RASGRF2: variants seen among roughly 807,000 people sequenced by gnomAD.
The protein encoded by RASGRF2 is Ras protein specific guanine nucleotide releasing factor 2.
RASGRF2 carries 76 observed loss-of-function variants against 151.0 expected under a neutral mutation model. The ratio of observed to expected loss-of-function variants is 0.50; its 90% CI spans 0.42 to 0.61. The LOEUF (loss-of-function observed/expected upper bound fraction) is 0.61. Ranked by LOEUF, RASGRF2 falls within the 20% of genes least tolerant of loss-of-function variation. The pLI is 0.00. For missense variants in RASGRF2, 1,148 were observed against 1,564.6 expected (o/e 0.73, Z 4.49); for synonymous variants, 504 against 566.5 (o/e 0.89, Z 1.57).
rs1317324815 is a variant in RASGRF2, at chr5:81,128,904, C to T, written c.2686+1741C>T. ...CTGTAATCCTAGCACTTTGGGAGGC[C>T]AAGGTGGGCAGATCACCCAAGGTCA... On this transcript the variant is annotated intron_variant, in intron 17 of 26. Transcript: ENST00000265080. Among the ~76,000 whole-genome samples, 5 of 151,302 alleles carry T rather than the reference C, an allele frequency of 3.3e-5. No homozygotes were observed. The East Asian group carries it at 9.7e-4, about 29-fold the overall frequency.
In RASGRF2 at chr5:81,081,691, C is replaced by T. The variant is rs145581218; in HGVS notation, c.1161+902C>T. ...GTCCTCCTGCGCAGGCATCTCTGAC[C>T]CTGGCTAATCATTTTGCAGCCTCAG... On this transcript the variant is annotated intron_variant, in intron 7 of 26. Transcript: ENST00000265080. Among the ~76,000 whole-genome samples the T allele has an allele frequency of 1.5e-3, 231 of 152,256 alleles. 1 individual carries two copies. The highest frequency in any genetic ancestry group is 5.4e-3 in the Admixed American group (82 of 15,306).
intron 1 of RASGRF2, among the ~76,000 whole-genome samples, chr5:80,972,742 A>C (rs1747979961): frequency 6.6e-6 from 1 of 152,178 alleles, no homozygotes; most frequent in African/African-American, 2.4e-5. Context: ...GGCCTCCCAA[A>C]GTGCTGGGAT....
At chr5:81,046,572 T>C (rs954075126) in intron 2 of RASGRF2, among the ~76,000 whole-genome samples, 8 of 152,186 alleles carry the variant, frequency 5.3e-5, no homozygotes, top group African/African-American at 1.9e-4. Flanking sequence ...AGACCCAGTC[T>C]TGTTTTTGTC....
In RASGRF2 at chr5:81,227,526, C is replaced by T. The variant is rs1391310373; in HGVS notation, c.*1756C>T. ...TCTTTAGTTTCAAATAAGAGGTTGA[C>T]GCATCTTGATGCATGATGAGAAGCA... On this transcript the variant is annotated 3_prime_UTR_variant, in exon 27 of 27. Transcript: ENST00000265080. The T allele has an allele frequency of 6.6e-6, 1 of 152,084 alleles. No individual in the cohort carries two copies. The allele number at this position is 152,084 out of a possible 1,614,324, so 9.4% of individuals were successfully genotyped here. A position where few individuals can be genotyped will look rare whatever the true frequency, so the allele number is the denominator to read the frequency against.
At chr5:81,110,042 C>G (rs1254235417) in intron 13 of RASGRF2, among the ~76,000 whole-genome samples, 1 of 152,176 alleles carries the variant, frequency 6.6e-6, no homozygotes, top group Non-Finnish European at 1.5e-5. Flanking sequence ...TTTGCAATCT[C>G]TGTTCCTTCT....
chr5:81,059,735 T>C (rs55781224), intron 2 of RASGRF2, among the ~76,000 whole-genome samples: 27,165 of 151,314 alleles, frequency 0.18, 2,592 homozygotes, highest in Admixed American at 0.27. Flanking sequence ...ATCCCAGCTA[T>C]TCAGGAGGCT....
intron 2 of RASGRF2, among the ~76,000 whole-genome samples, chr5:81,050,511 A>G (rs1352436119): frequency 6.6e-6 from 1 of 152,120 alleles, no homozygotes; most frequent in Non-Finnish European, 1.5e-5. Flanking sequence ...AGCCAGTCCA[A>G]GCGAGGCCCC....
At chr5:80,999,980 T>A (rs1168884005) in intron 1 of RASGRF2, among the ~76,000 whole-genome samples, 2 of 151,860 alleles carry the variant, frequency 1.3e-5, no homozygotes, top group Non-Finnish European at 2.9e-5. Context: ...GATGGGGAGG[T>A]CTCTTCTGTG....
chr5:81,011,818 C>A (rs1356188713), intron 1 of RASGRF2, among the ~76,000 whole-genome samples: 1 of 151,606 alleles, frequency 6.6e-6, no homozygotes, highest in Non-Finnish European at 1.5e-5. Flanking sequence ...ACATTTTCCT[C>A]ATTTAGCATG....
At chr5:80,964,149 G>A (rs1747654327) in intron 1 of RASGRF2, among the ~76,000 whole-genome samples, 1 of 152,024 alleles carries the variant, frequency 6.6e-6, no homozygotes, top group African/African-American at 2.4e-5. Context: ...ATGAGTCTTT[G>A]GAGGATTGCA....
At chr5:80,961,466 C>G (rs959535012) in intron 1 of RASGRF2, among the ~76,000 whole-genome samples, 3 of 151,224 alleles carry the variant, frequency 2.0e-5, no homozygotes, top group Non-Finnish European at 4.4e-5. Context: ...ATTTCTTTGC[C>G]TGCAGATGTT....
At chr5:81,207,398 T>C (rs1755532925) in intron 21 of RASGRF2, 49 bp downstream of exon 21, 1 of 1,500,332 alleles carries the variant, frequency 6.7e-7, no homozygotes, top group South Asian at 1.1e-5. Flanking sequence ...CTAGCTGTCT[T>C]AGAAGTTGAC....
chr5:81,082,861 G>T (rs1034692288), intron 7 of RASGRF2, among the ~76,000 whole-genome samples: 1 of 152,196 alleles, frequency 6.6e-6, no homozygotes, highest in Admixed American at 6.5e-5. Context: ...AACTGAAAGA[G>T]CACAGAATTG....
chr5:81,077,238 G>A (rs145973740), intron 5 of RASGRF2, among the ~76,000 whole-genome samples: 73 of 152,198 alleles, frequency 4.8e-4, no homozygotes, highest in Non-Finnish European at 9.4e-4. Context: ...GACAGGGAAG[G>A]GATGCAGCTA....
rs141027180 is a variant in RASGRF2, at chr5:81,142,475, T to C, written c.2686+15312T>C. On this transcript the variant is annotated intron_variant, in intron 17 of 26. Transcript: ENST00000265080. ...CTGCCTGTGTAACCTGTTTTAGCAA[T>C]GACATTCAGAAGTCTAAGGTCAAAA... Among the ~76,000 whole-genome samples, 613 of 152,340 alleles carry C rather than the reference T, an allele frequency of 4.0e-3. 9 individuals carry two copies. Among genetic ancestry groups the C allele is most frequent in the Middle Eastern group, 0.034 (10 of 294 alleles).
chr5:81,184,617 A>G (rs1431287078), intron 18 of RASGRF2, among the ~76,000 whole-genome samples: 1 of 152,206 alleles, frequency 6.6e-6, no homozygotes, highest in Non-Finnish European at 1.5e-5. Context: ...CTGAATGACA[A>G]GTGGCCGAGA....
In RASGRF2 at chr5:81,129,008, G is replaced by A. The variant is rs149449575; in HGVS notation, c.2686+1845G>A. ...ACAAAAATCAGCTGGGCGTGGTGGC[G>A]CACACCTGTAATCCCAACTACTTGG... On this transcript the variant is annotated intron_variant, in intron 17 of 26. Coordinates refer to ENST00000265080, the MANE Select transcript of RASGRF2 (RefSeq NM_006909.3). 7.7e-3 allele frequency among the ~76,000 whole-genome samples: 1,175 copies of A among 152,008 alleles called. 12 individuals are homozygous for A. The highest frequency in any genetic ancestry group is 0.027 in the African/African-American group (1,109 of 41,456).
At position 81,160,163 on chromosome 5, in the gene RASGRF2, T is replaced by C. The variant is rs564228930; in HGVS notation, c.2687-20012T>C. Among the ~76,000 whole-genome samples the C allele has an allele frequency of 1.9e-3, 292 of 152,260 alleles. 1 individual carries two copies. The highest frequency in any genetic ancestry group is 6.9e-3 in the African/African-American group (288 of 41,546). ...GGCCGGGTGCGGTGGCTCACACCTG[T>C]AATCCCAGCACTCTGGAAGGCCAAG... is the stretch of plus-strand genomic sequence containing the variant. On this transcript the variant is annotated intron_variant, in intron 17 of 26. Transcript: ENST00000265080.
intron 1 of RASGRF2, among the ~76,000 whole-genome samples, chr5:81,029,296 A>G (rs1336144790): frequency 6.6e-6 from 1 of 152,202 alleles, no homozygotes; most frequent in African/African-American, 2.4e-5. Context: ...CTTTGAAGAG[A>G]GTAGTGGTTC....
Sources: gnomAD v4.1 joint callset for allele counts (sites outside exome capture counted in the v4.1 genomes callset) on GRCh38, gnomAD v4.1.1 for gene constraint, MANE v1.5 for transcripts, NCBI Gene and HGNC (gene_info 2026-07-23, HGNC 2026-07-21) for gene names.